The following SAMM50 variants were observed in gnomAD, a reference collection of about 807,000 sequenced individuals.
SAMM50 encodes sorting and assembly machinery component 50 homolog.
SAMM50 carries 47 observed loss-of-function variants against 66.9 expected under a neutral mutation model. The ratio of observed to expected loss-of-function variants is 0.70; its 90% CI spans 0.56 to 0.90. The LOEUF (loss-of-function observed/expected upper bound fraction) is 0.90. SAMM50 is among the 40% of genes least tolerant of loss of function. SAMM50 has a pLI of 0.00. For missense variants in SAMM50, 535 were observed against 595.3 expected (o/e 0.90, Z 1.05); for synonymous variants, 191 against 214.1 (o/e 0.89, Z 0.94).
Position 43,978,071 on chromosome 22 carries a change from A to G in SAMM50, c.936+113A>G. 3 of 676,196 alleles carry G rather than the reference A, an allele frequency of 4.4e-6. No homozygotes were observed. In the South Asian group the frequency reaches 5.6e-5, roughly 13 times the overall value. The allele number at this position is 676,196 out of a possible 1,614,324, so 41.9% of individuals were successfully genotyped here. On this transcript the variant is annotated intron_variant, in intron 10 of 14. Transcript: ENST00000350028. ...GCACAGAGTGGAAGCCTGGGCGGTA[A>G]TGCTTAACCTTTGATGTTTCCAGTT... is the stretch of plus-strand genomic sequence containing the variant.
At position 43,968,660 on chromosome 22, in the gene SAMM50, G is replaced by A. The variant is rs1412493222; in HGVS notation, c.235-71G>A. 3.1e-5 allele frequency: 33 copies of A among 1,064,774 alleles called. 1 individual carries two copies. The highest frequency in any genetic ancestry group is 3.0e-4 in the South Asian group (24 of 79,376). 66.0% of individuals were successfully genotyped at this position (1,064,774 alleles called of 1,614,324 possible). On this transcript the variant is annotated intron_variant, in intron 3 of 14. Coordinates refer to ENST00000350028, the MANE Select transcript of SAMM50 (RefSeq NM_015380.5). ...CGAATGGTAAACTACCAGCCTCGCC[G>A]TGTGGCTGCCATTTGCTGTTTCTGT...
At chr22:43,981,535 AT>A in intron 11 of SAMM50, 74 bp downstream of exon 11, 1 of 1,068,536 alleles carries the variant, frequency 9.4e-7, no homozygotes, top group Non-Finnish European at 1.4e-6. Flanking sequence ...TTTATAAGAT[AT>A]TTTAGAGAAG....
chr22:43,990,899 A>C (rs1380044825), intron 14 of SAMM50, among the ~76,000 whole-genome samples: 3 of 152,150 alleles, frequency 2.0e-5, no homozygotes, highest in Non-Finnish European at 4.4e-5. Flanking sequence ...AGATTCCCTA[A>C]ATGTTACATG....
intron 3 of SAMM50, among the ~76,000 whole-genome samples, chr22:43,966,481 C>T (rs2050174029): frequency 6.6e-6 from 1 of 152,136 alleles, no homozygotes; most frequent in Admixed American, 6.5e-5. Flanking sequence ...CTTCAGCCTC[C>T]TGAGTAGCTG....
chr22:43,966,564 C>G (rs192635980), intron 3 of SAMM50, among the ~76,000 whole-genome samples: 74 of 152,178 alleles, frequency 4.9e-4, no homozygotes, highest in Non-Finnish European at 8.5e-4. Context: ...TCACCATGGC[C>G]AGGCTCGATT....
Position 43,983,889 on chromosome 22 carries a change from T to C in SAMM50, c.1008-44T>C. The C allele has an allele frequency of 2.1e-6, 3 of 1,424,492 alleles. No individual in the cohort carries two copies. Among genetic ancestry groups the C allele is most frequent in the South Asian group, 1.2e-5 (1 of 81,954 alleles). 88.2% of individuals were successfully genotyped at this position (1,424,492 alleles called of 1,614,324 possible). Reference sequence around the variant, plus strand: ...CGCGTTCCGTGTGTCATGTCGTTTCTCACCTCCTGACTTTCCTCTGACCTG... The same window carrying C: ...CGCGTTCCGTGTGTCATGTCGTTTCCCACCTCCTGACTTTCCTCTGACCTG... On this transcript the variant is annotated intron_variant, in intron 11 of 14. Transcript: ENST00000350028. The surrounding 1 kb of genome is among the most constrained non-coding windows in gnomAD (Gnocchi z 4.2).
chr22:43,956,919 A>G (rs988927095), intron 1 of SAMM50: 10 of 502,246 alleles, frequency 2.0e-5, no homozygotes, highest in African/African-American at 1.6e-4. Context: ...TGCAAATAGT[A>G]TCTGTGACTT....
intron 4 of SAMM50, 28 bp downstream of exon 4, chr22:43,968,846 A>G (rs750603734): frequency 6.6e-5 from 99 of 1,505,416 alleles, no homozygotes; most frequent in Non-Finnish European, 9.0e-5. Context: ...GTATCTTTAT[A>G]ATTCCCTTTC....
At chr22:43,976,890 C>T (rs1436693458) in intron 9 of SAMM50, 69 bp downstream of exon 9, 14 of 523,046 alleles carry the variant, frequency 2.7e-5, no homozygotes, top group Non-Finnish European at 4.0e-5. Context: ...GATAAAGTCC[C>T]GGTGGGCTGG....
chr22:43,992,793 C>T (rs780909178), intron 14 of SAMM50, among the ~76,000 whole-genome samples: 14 of 152,356 alleles, frequency 9.2e-5, no homozygotes, highest in East Asian at 1.9e-4. Flanking sequence ...CTGATACACC[C>T]GGCGTGGCCA....
chr22:43,994,816 A>G (rs775288930), intron 14 of SAMM50, among the ~76,000 whole-genome samples: 11 of 152,172 alleles, frequency 7.2e-5, no homozygotes, highest in Non-Finnish European at 1.2e-4. Context: ...GTTCTGTGAC[A>G]TGTTTATGTG....
chr22:43,968,226 CAAAAAAAAAAA>C (rs66961907), intron 3 of SAMM50, among the ~76,000 whole-genome samples: 1 of 68,648 alleles, frequency 1.5e-5, no homozygotes, highest in African/African-American at 5.3e-5. Flanking sequence ...AACTCTGTCT[CAAAAAAAAAAA>C]AAAAAAAAAA....
At chr22:43,967,969 C>G (rs746913950) in intron 3 of SAMM50, among the ~76,000 whole-genome samples, 6 of 152,090 alleles carry the variant, frequency 3.9e-5, no homozygotes, top group Non-Finnish European at 8.8e-5. Flanking sequence ...TGCCTGTAGT[C>G]CCAGCACTTT....
intron 14 of SAMM50, among the ~76,000 whole-genome samples, chr22:43,994,121 G>C (rs948982228): frequency 6.6e-6 from 1 of 152,188 alleles, no homozygotes; most frequent in Non-Finnish European, 1.5e-5. Flanking sequence ...AGGTCCCTGA[G>C]CTGAATCTTC....
intron 1 of SAMM50, chr22:43,957,087 CA>C: frequency 3.0e-6 from 3 of 994,392 alleles, no homozygotes; most frequent in East Asian, 2.4e-5. Context: ...TCTCCGGAAC[CA>C]AAGGGAGCAC....
chr22:43,972,661 T>C (rs2146814146), intron 5 of SAMM50, among the ~76,000 whole-genome samples: 1 of 152,336 alleles, frequency 6.6e-6, no homozygotes, highest in African/African-American at 2.4e-5. Context: ...GCTTGTCCCT[T>C]GCATTAATCA....
intron 14 of SAMM50, among the ~76,000 whole-genome samples, chr22:43,992,728 C>A (rs73890556): frequency 0.016 from 2,380 of 152,332 alleles, 60 homozygotes; most frequent in African/African-American, 0.054. Flanking sequence ...GAGCCCTTGG[C>A]GCACCGCCTG....
In SAMM50 at chr22:43,973,306, A is replaced by T. The variant is rs1284103045; in HGVS notation, c.631A>T (p.Met211Leu). Residue 211 changes from methionine (M) to leucine (L), a missense_variant, in exon 7 of 15, where the codon ATG becomes TTG. Physicochemically the swap from Met to Leu is conservative, Grantham distance 15. Coordinates refer to ENST00000350028, the MANE Select transcript of SAMM50 (RefSeq NM_015380.5). The part of the protein sequence containing the change: ...WSSLRETDRG[M>L]SAEYSFPIWK... ...CTCACTGCGGGAGACGGACAGAGGAATGTCAGCTGAGTACAGTGTGAGTAG... is the reference window on the plus strand; with the variant it reads ...CTCACTGCGGGAGACGGACAGAGGATTGTCAGCTGAGTACAGTGTGAGTAG... The T allele has an allele frequency of 1.3e-6, 2 of 1,594,596 alleles. No individual in the cohort carries two copies. The highest frequency in any genetic ancestry group is 1.7e-6 in the Non-Finnish European group (2 of 1,162,224).
chr22:43,984,794 A>C (rs1192476689), intron 12 of SAMM50, among the ~76,000 whole-genome samples: 2 of 150,524 alleles, frequency 1.3e-5, no homozygotes, highest in African/African-American at 4.9e-5. Flanking sequence ...ACGCCTGGCT[A>C]ACTTTTTGTG....
Sources: gnomAD v4.1 joint callset for allele counts (sites outside exome capture counted in the v4.1 genomes callset) on GRCh38, gnomAD v4.1.1 for gene constraint, Gnocchi (gnomAD v3.1) non-coding constraint, MANE v1.5 for transcripts, NCBI Gene and HGNC (gene_info 2026-07-23, HGNC 2026-07-21) for gene names.